Variants in ILRUN observed in about 807,000 individuals in gnomAD.
The protein encoded by ILRUN is protein ILRUN.
In ILRUN, 3 loss-of-function variants were observed where a neutral mutation model predicts 33.8. The observed-to-expected ratio is 0.09, with a 90% confidence interval of 0.04 to 0.23. The LOEUF (loss-of-function observed/expected upper bound fraction) is 0.23, where lower values mean the gene tolerates loss of function less well. ILRUN is among the 10% of genes least tolerant of loss of function. The probability of loss-of-function intolerance (pLI) is 1.00; values close to 1 mark genes in which losing one functional copy is unlikely to be tolerated. For missense variants in ILRUN, 210 were observed against 375.1 expected, an observed-to-expected ratio of 0.56 and a Z score of 3.64; for synonymous variants, 124 against 138.9, an observed-to-expected ratio of 0.89 and a Z score of 0.75.
chr6:34,654,520 G>A, intron 2 of ILRUN, 105 bp downstream of exon 2: 2 of 1,180,498 alleles, frequency 1.7e-6, no homozygotes, highest in East Asian at 2.4e-5. Context: ...GTAAGAGAAA[G>A]CTCGCAGTTA....
chr6:34,679,920 G>T (rs540208103), intron 1 of ILRUN, among the ~76,000 whole-genome samples: 1 of 152,354 alleles, frequency 6.6e-6, no homozygotes, highest in Admixed American at 6.5e-5. Context: ...CCAAAAAGAG[G>T]CAAGAAGGGA....
rs553077418 is a variant in ILRUN at position 34,603,235 on chromosome 6, G to A, written c.861+3320C>T. On this transcript the variant is annotated intron_variant, in intron 4 of 4. Coordinates refer to ENST00000374023, the MANE Select transcript of ILRUN (RefSeq NM_024294.4). ...AGCCAATAAAGATGGCAACTGAGCC[G>A]GGCACGGTGGCTCACATCTGTAATC... Among the ~76,000 whole-genome samples, 9 of 152,290 alleles carry A rather than the reference G, an allele frequency of 5.9e-5. No homozygotes were observed. In the East Asian group the frequency reaches 1.2e-3, roughly 20 times the overall value.
intron 3 of ILRUN, among the ~76,000 whole-genome samples, chr6:34,614,443 A>AAAAATATATATATAT (rs71000073): frequency 7.5e-6 from 1 of 133,598 alleles, no homozygotes; most frequent in Non-Finnish European, 1.5e-5. Flanking sequence ...AAAAAAAAAA[A>AAAAATATATATATAT]ATATATATAT....
intron 1 of ILRUN, among the ~76,000 whole-genome samples, chr6:34,655,215 G>A (rs755186315): frequency 2.6e-5 from 4 of 152,052 alleles, no homozygotes; most frequent in Non-Finnish European, 4.4e-5. Flanking sequence ...GAGCTCAAGC[G>A]ATCCATCCAT....
chr6:34,696,624 T>C lies in ILRUN; in HGVS notation c.-21A>G. 6.3e-7 allele frequency: 1 copy of C among 1,576,148 alleles called. No individual in the cohort carries two copies. Among genetic ancestry groups the C allele is most frequent in the Non-Finnish European group, 8.6e-7 (1 of 1,164,422 alleles). ...TCCATGGCGGGGACCGGACACCCGC[T>C]TCCCCGCCTCTTCACAACCAAGCCG... On this transcript the variant is annotated 5_prime_UTR_variant, in exon 1 of 5. Transcript: ENST00000374023.
rs113378334 is a variant in ILRUN at position 34,615,204 on chromosome 6, A to G, written c.512-8300T>C. Among the ~76,000 whole-genome samples the G allele has an allele frequency of 2.0e-3, 305 of 152,346 alleles. 1 individual carries two copies. The highest frequency in any genetic ancestry group is 6.9e-3 in the African/African-American group (287 of 41,580). On this transcript the variant is annotated intron_variant, in intron 3 of 4. Transcript: ENST00000374023. Reference sequence around the variant, plus strand: ...GAAAAACTGGGTATATAAGAACTCTATATTTGCAACTTTTCTGTAAACCTA... The same window carrying G: ...GAAAAACTGGGTATATAAGAACTCTGTATTTGCAACTTTTCTGTAAACCTA...
At chr6:34,653,152 GAAAA>G (rs1306444483) in intron 2 of ILRUN, among the ~76,000 whole-genome samples, 2 of 110,712 alleles carry the variant, frequency 1.8e-5, no homozygotes, top group Non-Finnish European at 3.7e-5. Flanking sequence ...AAAAAAAAAA[GAAAA>G]AGAAAGAAAG....
At chr6:34,655,754 T>C (rs1762758636) in intron 1 of ILRUN, among the ~76,000 whole-genome samples, 1 of 152,168 alleles carries the variant, frequency 6.6e-6, no homozygotes, top group Non-Finnish European at 1.5e-5. Context: ...AATAAATATA[T>C]CCAAACTTCC....
In ILRUN at chr6:34,590,571, C is replaced by A; in HGVS notation, c.891G>T (p.Gln297His). The change falls in exon 5 of 5, where the codon CAG becomes CAT. Residue 297 changes from glutamine to histidine, a missense_variant. Gln to His is a conservative substitution (Grantham distance 24, BLOSUM62 0). This residue lies in a region of ILRUN where 81 missense variants were observed against 97.0 expected (regional missense o/e 0.84). Transcript: ENST00000374023. ...KGLHGPYPFG[Q>H]S ...TCTTCTTGCTGACACCCGTTTAAGA[C>A]TGGCCGAAGGGGTAAGGCCCATGGA... 1 of 1,614,062 alleles carries A rather than the reference C, an allele frequency of 6.2e-7. No individual in the cohort carries two copies. The highest frequency in any genetic ancestry group is 8.5e-7 in the Non-Finnish European group (1 of 1,179,934).
At chr6:34,617,803 A>G (rs185195116) in intron 3 of ILRUN, among the ~76,000 whole-genome samples, 35 of 152,298 alleles carry the variant, frequency 2.3e-4, no homozygotes, top group African/African-American at 8.4e-4. Context: ...TCCTTTTAAA[A>G]TGCAAATGCC....
intron 3 of ILRUN, chr6:34,617,199 G>A (rs1761912355): frequency 2.1e-6 from 1 of 476,168 alleles, no homozygotes; most frequent in South Asian, 1.6e-5. Context: ...TTTTGTAGAA[G>A]GTGGAGATGG....
intron 4 of ILRUN, among the ~76,000 whole-genome samples, chr6:34,593,474 G>A (rs1266070957): frequency 2.6e-5 from 4 of 152,216 alleles, no homozygotes; most frequent in Non-Finnish European, 1.5e-5. Context: ...TCAATTGGAA[G>A]AAACAGGAAT....
chr6:34,661,986 G>A lies in ILRUN; in HGVS notation c.159-7207C>T, dbSNP rs887839439. On this transcript the variant is annotated intron_variant, in intron 1 of 4. Transcript: ENST00000374023. ...TAAAAATGCAAAAAATTAGCCGGGCGTGGTGGCGGGCGCCTGTAGTCCCAG... is the reference window on the plus strand; with the variant it reads ...TAAAAATGCAAAAAATTAGCCGGGCATGGTGGCGGGCGCCTGTAGTCCCAG... 6.6e-5 allele frequency among the ~76,000 whole-genome samples: 10 copies of A among 151,930 alleles called. No individual in the cohort carries two copies. In the East Asian group the frequency reaches 1.4e-3, roughly 21 times the overall value.
intron 4 of ILRUN, among the ~76,000 whole-genome samples, chr6:34,597,942 T>C (rs139974729): frequency 1.4e-3 from 212 of 152,310 alleles, no homozygotes; most frequent in Non-Finnish European, 2.5e-3. Flanking sequence ...AATTTCTTGA[T>C]TACTCCAAGT....
intron 3 of ILRUN, among the ~76,000 whole-genome samples, chr6:34,607,688 T>C (rs1761663775): frequency 6.6e-6 from 1 of 152,190 alleles, no homozygotes; most frequent in South Asian, 2.1e-4. Context: ...ACCTAGGCTA[T>C]ATGGTATAGC....
At chr6:34,590,736 C>A (rs909841895) in intron 4 of ILRUN, 136 bp from the exon 5 acceptor site, 2 of 668,566 alleles carry the variant, frequency 3.0e-6, no homozygotes, top group Non-Finnish European at 5.5e-6. Context: ...GGGTCTTTGC[C>A]ATACAAAACC....
chr6:34,603,443 G>A (rs905333214), intron 4 of ILRUN, among the ~76,000 whole-genome samples: 1 of 152,154 alleles, frequency 6.6e-6, no homozygotes, highest in African/African-American at 2.4e-5. Context: ...GACCATCCCG[G>A]CTAAAACGGT....
intron 1 of ILRUN, among the ~76,000 whole-genome samples, chr6:34,677,020 T>C (rs1179267900): frequency 6.8e-6 from 1 of 146,278 alleles, no homozygotes; most frequent in Non-Finnish European, 1.5e-5. Context: ...AAAAAAAGAA[T>C]TGAAGGCTGG....
chr6:34,637,843 T>TGCTGCTGC lies in ILRUN; in HGVS notation c.511+8757_511+8758insGCAGCAGC, dbSNP rs1562012558. On this transcript the variant is annotated intron_variant, in intron 3 of 4. Transcript: ENST00000374023. ...CAGTCATTTCACATTGCTGTTGTTG[T>TGCTGCTGC]TGCTGCTGCTGCTGCTGCTGCTGTT... 5.1e-4 allele frequency among the ~76,000 whole-genome samples: 72 copies of TGCTGCTGC among 141,344 alleles called. 1 individual carries two copies. Among genetic ancestry groups the TGCTGCTGC allele is most frequent in the African/African-American group, 1.6e-3 (63 of 38,424 alleles). 92.7% of individuals were successfully genotyped at this position (141,344 alleles called of 152,430 possible).
Sources: allele counts gnomAD v4.1 joint callset (sites outside exome capture counted in the v4.1 genomes callset), GRCh38; gene constraint gnomAD v4.1.1; regional missense constraint gnomAD v4.1.1; transcripts MANE v1.5; gene names NCBI Gene and HGNC (gene_info 2026-07-23, HGNC 2026-07-21).